The following MYO5B variants were observed in gnomAD, a reference collection of about 807,000 sequenced individuals.
The protein encoded by MYO5B is myosin VB, also known as unconventional myosin-Vb.
MYO5B carries 143 observed loss-of-function variants against 229.3 expected under a neutral mutation model. The ratio of observed to expected loss-of-function variants is 0.62; its 90% confidence interval spans 0.54 to 0.72. The LOEUF (loss-of-function observed/expected upper bound fraction) is 0.72, where lower values mean the gene tolerates loss of function less well. MYO5B is among the 30% of genes least tolerant of loss of function. The pLI is 0.00. For missense variants in MYO5B, 2,321 were observed against 2,331.0 expected (o/e 1.00, Z 0.09); for synonymous variants, 918 against 885.2 (o/e 1.04, Z -0.66).
intron 27 of MYO5B, among the ~76,000 whole-genome samples, chr18:49,867,803 C>T (rs1031246920): frequency 1.3e-5 from 2 of 152,156 alleles, no homozygotes; most frequent in African/African-American, 4.8e-5. Flanking sequence ...ATCCGTGTTC[C>T]ATAAAACAAG....
chr18:49,984,891 A>G, intron 7 of MYO5B, 66 bp from the exon 8 acceptor site: 1 of 1,180,972 alleles, frequency 8.5e-7, no homozygotes, highest in Non-Finnish European at 1.3e-6. Flanking sequence ...ATCGTGACCC[A>G]TGAAAATTCT....
At chr18:49,992,746 T>C (rs2025947517) in intron 5 of MYO5B, among the ~76,000 whole-genome samples, 1 of 152,174 alleles carries the variant, frequency 6.6e-6, no homozygotes, top group Non-Finnish European at 1.5e-5. Flanking sequence ...GGAATGCACC[T>C]GTGATGGTAC....
chr18:49,930,735 A>G (rs193206518), intron 16 of MYO5B, among the ~76,000 whole-genome samples: 1 of 152,156 alleles, frequency 6.6e-6, no homozygotes, highest in Non-Finnish European at 1.5e-5. Context: ...TACTAAAAAT[A>G]TAAAAAATTA....
chr18:49,867,404 G>C (rs532444423), intron 27 of MYO5B, among the ~76,000 whole-genome samples: 17 of 152,262 alleles, frequency 1.1e-4, no homozygotes, highest in African/African-American at 4.1e-4. Flanking sequence ...TTATGGGCTA[G>C]AGATGGATCA....
At chr18:49,890,159 C>T (rs1320503080) in intron 22 of MYO5B, among the ~76,000 whole-genome samples, 1 of 152,214 alleles carries the variant, frequency 6.6e-6, no homozygotes, top group Admixed American at 6.5e-5. Flanking sequence ...TACCAGCCAA[C>T]CCCAGTCTTC....
intron 39 of MYO5B, among the ~76,000 whole-genome samples, chr18:49,833,381 A>C (rs2023948061): frequency 6.6e-6 from 1 of 152,236 alleles, no homozygotes; most frequent in Non-Finnish European, 1.5e-5. Flanking sequence ...GGAGGGCAGG[A>C]CTGATTGTTC....
intron 1 of MYO5B, among the ~76,000 whole-genome samples, chr18:50,079,761 G>C (rs2031172395): frequency 6.6e-6 from 1 of 151,900 alleles, no homozygotes; most frequent in South Asian, 2.1e-4. Context: ...GACTGTCCAA[G>C]TCCAGGGCAA....
intron 21 of MYO5B, among the ~76,000 whole-genome samples, chr18:49,896,712 C>A (rs913625713): frequency 2.6e-5 from 4 of 152,166 alleles, no homozygotes; most frequent in African/African-American, 9.7e-5. Flanking sequence ...AAAGATGGCA[C>A]CTCAGGACTC....
intron 14 of MYO5B, among the ~76,000 whole-genome samples, chr18:49,947,892 A>G (rs2025391876): frequency 6.6e-6 from 1 of 152,214 alleles, no homozygotes; most frequent in Non-Finnish European, 1.5e-5. Context: ...CAGTTTAAAA[A>G]AAGTCAACGT....
rs1200049575 is a variant in MYO5B, at chr18:49,824,217, C to T, written c.*2254G>A. On this transcript the variant is annotated 3_prime_UTR_variant, in exon 40 of 40. Coordinates refer to ENST00000285039, the MANE Select transcript of MYO5B (RefSeq NM_001080467.3). ...TTCCCCTAAAGATGCTTCTTCTAGCCTCCAAGTATTAAATAAGACAGATCT... is the reference window on the plus strand; with the variant it reads ...TTCCCCTAAAGATGCTTCTTCTAGCTTCCAAGTATTAAATAAGACAGATCT... The T allele has an allele frequency of 6.6e-6, 1 of 152,246 alleles. No individual in the cohort carries two copies. Among genetic ancestry groups the T allele is most frequent in the African/African-American group, 2.4e-5 (1 of 41,464 alleles). 9.4% of individuals were successfully genotyped at this position (152,246 alleles called of 1,614,324 possible). A position where few individuals can be genotyped will look rare whatever the true frequency, so the allele number is the denominator to read the frequency against.
intron 1 of MYO5B, among the ~76,000 whole-genome samples, chr18:50,060,768 C>T (rs1008321480): frequency 6.6e-6 from 1 of 152,150 alleles, no homozygotes; most frequent in Non-Finnish European, 1.5e-5. Context: ...ATGACAAGAG[C>T]CTGAATCCTG....
chr18:49,833,603 T>C (rs2023951321), intron 39 of MYO5B, among the ~76,000 whole-genome samples: 1 of 152,258 alleles, frequency 6.6e-6, no homozygotes, highest in Non-Finnish European at 1.5e-5. Flanking sequence ...ATGTGGCATA[T>C]ATTTTTTAAC....
chr18:49,889,301 A>G (rs1480194871), intron 22 of MYO5B, among the ~76,000 whole-genome samples: 2 of 152,242 alleles, frequency 1.3e-5, no homozygotes, highest in Non-Finnish European at 2.9e-5. Context: ...TGACTTCAGG[A>G]GCACCTTTAA....
intron 27 of MYO5B, among the ~76,000 whole-genome samples, chr18:49,865,146 G>A (rs1015923494): frequency 6.6e-6 from 1 of 152,208 alleles, no homozygotes; most frequent in Non-Finnish European, 1.5e-5. Flanking sequence ...GTATGCATTG[G>A]TTGCATGTTT....
chr18:50,056,015 T>C (rs2144418960), intron 1 of MYO5B, among the ~76,000 whole-genome samples: 1 of 152,256 alleles, frequency 6.6e-6, no homozygotes, highest in East Asian at 1.9e-4. Flanking sequence ...ACTCCTGTGA[T>C]CCTCCCGTCT....
intron 12 of MYO5B, 44 bp downstream of exon 12, chr18:49,962,222 C>CAT: frequency 6.2e-7 from 1 of 1,612,696 alleles, no homozygotes; most frequent in South Asian, 1.1e-5. Context: ...CCTTGTATCA[C>CAT]ATCCCTACCC....
chr18:49,962,207 G>A, intron 12 of MYO5B, 59 bp downstream of exon 12: 1 of 1,606,020 alleles, frequency 6.2e-7, no homozygotes. Flanking sequence ...GATCTTATGT[G>A]ATTTCCTTGT....
chr18:49,963,393 TATTTA>T (rs1250115297), intron 10 of MYO5B, among the ~76,000 whole-genome samples: 9 of 146,276 alleles, frequency 6.2e-5, no homozygotes, highest in African/African-American at 1.0e-4. Flanking sequence ...ACATTTTACT[TATTTA>T]ATTTAATTAA....
At chr18:49,853,287 G>A (rs1407290509) in intron 31 of MYO5B, among the ~76,000 whole-genome samples, 162 bp downstream of exon 31, 1 of 152,196 alleles carries the variant, frequency 6.6e-6, no homozygotes, top group Non-Finnish European at 1.5e-5. Flanking sequence ...AGATCTTTCA[G>A]CTCCAGTGAA....
Sources: allele counts gnomAD v4.1 joint callset (sites outside exome capture counted in the v4.1 genomes callset), GRCh38; gene constraint gnomAD v4.1.1; transcripts MANE v1.5; gene names NCBI Gene and HGNC (gene_info 2026-07-23, HGNC 2026-07-21).